The following SESN3 variants were observed in gnomAD, a reference collection of about 807,000 sequenced individuals.
SESN3 encodes the protein sestrin 3, also known as sestrin-3.
Under a neutral mutation model 55.3 loss-of-function variants are expected in SESN3, and 21 were observed. The observed-to-expected ratio is 0.38, with a 90% CI of 0.27 to 0.55. The LOEUF is 0.55. Ranked by LOEUF, SESN3 falls within the 20% of genes least tolerant of loss-of-function variation. The pLI, the probability that SESN3 is intolerant of heterozygous loss-of-function variation, is 0.76. For missense variants in SESN3, 408 were observed against 604.3 expected (o/e 0.68, Z 3.41); for synonymous variants, 181 against 203.1 (o/e 0.89, Z 0.93).
At chr11:95,218,364 C>T (rs1318797565) in intron 1 of SESN3, among the ~76,000 whole-genome samples, 8 of 152,206 alleles carry the variant, frequency 5.3e-5, no homozygotes, top group Non-Finnish European at 1.2e-4. Context: ...CATCACGCTA[C>T]GTAGGTAAAA....
chr11:95,215,013 T>C (rs964232986), intron 1 of SESN3, among the ~76,000 whole-genome samples: 1 of 152,186 alleles, frequency 6.6e-6, no homozygotes. Context: ...ATCTGCATTT[T>C]GTAAAATAGG....
At chr11:95,193,721 A>G (rs1860309432) in intron 1 of SESN3, among the ~76,000 whole-genome samples, 199 bp from the exon 2 acceptor site, 1 of 152,140 alleles carries the variant, frequency 6.6e-6, no homozygotes, top group Non-Finnish European at 1.5e-5. Flanking sequence ...AACACCTACC[A>G]TAGTGCTAAG....
chr11:95,230,607 C>A lies in SESN3; in HGVS notation c.78+176G>T. 2 of 553,644 alleles carry A rather than the reference C, an allele frequency of 3.6e-6. No individual in the cohort carries two copies. The highest frequency in any genetic ancestry group is 3.2e-6 in the Non-Finnish European group (1 of 317,424). 34.3% of individuals were successfully genotyped at this position (553,644 alleles called of 1,614,324 possible). Reference sequence around the variant, plus strand: ...GTCTGTCCCGGCGGAAATAAAAAGCCGCAGTAGTCCAAACCCTCCTGCCCT... The same window carrying A: ...GTCTGTCCCGGCGGAAATAAAAAGCAGCAGTAGTCCAAACCCTCCTGCCCT... On this transcript the variant is annotated intron_variant, in intron 1 of 9. Transcript: ENST00000536441. This position sits in a 1 kb window ranked among gnomAD's most constrained non-coding sequence, Gnocchi z 4.6.
In SESN3 at chr11:95,172,472, T is replaced by C. The variant is rs1859869296; in HGVS notation, c.*783A>G. ...GGTGACTGAGGATTACTGTCAGTGA[T>C]AGGATTGTGTTATAATTCCACTTAT... On this transcript the variant is annotated 3_prime_UTR_variant, in exon 10 of 10. Coordinates refer to ENST00000536441, the MANE Select transcript of SESN3 (RefSeq NM_144665.4). The C allele has an allele frequency of 6.6e-6, 1 of 152,182 alleles. No homozygotes were observed. The highest frequency in any genetic ancestry group is 2.1e-4 in the South Asian group (1 of 4,830). The allele number at this position is 152,182 out of a possible 1,614,324, so 9.4% of individuals were successfully genotyped here.
Position 95,217,212 on chromosome 11 carries a change from T to TA in SESN3, c.78+13570dup, listed in dbSNP as rs1288063426. On this transcript the variant is annotated intron_variant, in intron 1 of 9. Coordinates refer to ENST00000536441, the MANE Select transcript of SESN3 (RefSeq NM_144665.4). ...TTTAGACTAGTGATACTTCACAAGA[T>TA]AAAAGACAGATAAGAAAGGTCACCC... Among the ~76,000 whole-genome samples the TA allele has an allele frequency of 2.0e-5, 3 of 152,160 alleles. No individual in the cohort carries two copies. In the East Asian group the frequency reaches 5.8e-4, roughly 29 times the overall value.
rs1861039234 is a variant in SESN3, at chr11:95,230,655, T to C, written c.78+128A>G. 1.5e-6 allele frequency: 1 copy of C among 649,880 alleles called. No homozygotes were observed. The highest frequency in any genetic ancestry group is 2.6e-6 in the Non-Finnish European group (1 of 384,130). The allele number at this position is 649,880 out of a possible 1,614,324, so 40.3% of individuals were successfully genotyped here. On this transcript the variant is annotated intron_variant, in intron 1 of 9. Transcript: ENST00000536441. The surrounding 1 kb of genome is among the most constrained non-coding windows in gnomAD (Gnocchi z 4.6). The stretch of plus-strand genomic sequence containing the variant: ...CCTCAACCCACGCCCCCTTTCTCAG[T>C]CCCTGCGGAGGGACGGTGCCCGGGG...
intron 1 of SESN3, among the ~76,000 whole-genome samples, chr11:95,214,442 T>C (rs1014167086): frequency 3.9e-5 from 6 of 152,200 alleles, no homozygotes; most frequent in Non-Finnish European, 8.8e-5. Flanking sequence ...TGAAACAATC[T>C]TTGCTTTTCA....
intron 1 of SESN3, among the ~76,000 whole-genome samples, chr11:95,215,807 A>C (rs541599882): frequency 1.3e-5 from 2 of 152,320 alleles, no homozygotes; most frequent in South Asian, 4.1e-4. Flanking sequence ...TCTTCATTTT[A>C]GAAATCCTTG....
intron 1 of SESN3, among the ~76,000 whole-genome samples, chr11:95,203,144 C>T (rs768869633): frequency 1.3e-5 from 2 of 151,998 alleles, no homozygotes; most frequent in Non-Finnish European, 2.9e-5. Flanking sequence ...ACCAGCTTGA[C>T]TATAGTATTA....
At chr11:95,182,996 C>T (rs1232234254) in intron 6 of SESN3, among the ~76,000 whole-genome samples, 4 of 152,148 alleles carry the variant, frequency 2.6e-5, no homozygotes, top group Non-Finnish European at 4.4e-5. Context: ...CTTCTGCCTA[C>T]ACCCTTTGCC....
chr11:95,215,092 T>C (rs1279533312), intron 1 of SESN3, among the ~76,000 whole-genome samples: 1 of 152,138 alleles, frequency 6.6e-6, no homozygotes, highest in Admixed American at 6.5e-5. Flanking sequence ...TAATGCATGT[T>C]GAAACTGAAG....
intron 9 of SESN3, among the ~76,000 whole-genome samples, chr11:95,175,207 T>C (rs1360010359): frequency 6.6e-6 from 1 of 152,008 alleles, no homozygotes; most frequent in Admixed American, 6.5e-5. Flanking sequence ...CTACTAAAAA[T>C]ACAAAAATTA....
chr11:95,184,388 C>A (rs751426704), intron 6 of SESN3, 32 bp downstream of exon 6: 2 of 1,606,250 alleles, frequency 1.2e-6, no homozygotes, highest in African/African-American at 1.3e-5. Flanking sequence ...GTTCTAAGAA[C>A]AACTAAAAGG....
At chr11:95,208,150 G>T (rs545744922) in intron 1 of SESN3, among the ~76,000 whole-genome samples, 1 of 151,522 alleles carries the variant, frequency 6.6e-6, no homozygotes, top group Admixed American at 6.6e-5. Flanking sequence ...TAAATGGTGA[G>T]AGTAGTCTTT....
In SESN3 at chr11:95,172,291, G is replaced by A. The variant is rs1259918778; in HGVS notation, c.*964C>T. On this transcript the variant is annotated 3_prime_UTR_variant, in exon 10 of 10. Transcript: ENST00000536441. ...TTCTAAAAGCCTAACAGGAAAAATAGGCATATTAACCTTCCTTTGCTTAAC... is the reference window on the plus strand; with the variant it reads ...TTCTAAAAGCCTAACAGGAAAAATAAGCATATTAACCTTCCTTTGCTTAAC... 6.6e-6 allele frequency: 1 copy of A among 152,052 alleles called. No homozygotes were observed. Among genetic ancestry groups the A allele is most frequent in the Non-Finnish European group, 1.5e-5 (1 of 67,986 alleles). 9.4% of individuals were successfully genotyped at this position (152,052 alleles called of 1,614,324 possible). A position where few individuals can be genotyped will look rare whatever the true frequency, so the allele number is the denominator to read the frequency against.
intron 1 of SESN3, among the ~76,000 whole-genome samples, chr11:95,223,771 G>A (rs866486313): frequency 4.6e-5 from 7 of 152,054 alleles, no homozygotes; most frequent in Non-Finnish European, 2.9e-5. Flanking sequence ...TCAGTAGTTC[G>A]TAAATGTCTT....
chr11:95,197,775 C>T (rs573803174), intron 1 of SESN3, among the ~76,000 whole-genome samples: 3 of 152,020 alleles, frequency 2.0e-5, no homozygotes, highest in South Asian at 2.1e-4. Context: ...GTAGGGAAGA[C>T]GATGGAGCAG....
At chr11:95,222,038 A>G (rs566703111) in intron 1 of SESN3, among the ~76,000 whole-genome samples, 6 of 152,338 alleles carry the variant, frequency 3.9e-5, no homozygotes, top group African/African-American at 1.4e-4. Flanking sequence ...CCAGAATTCT[A>G]GAGTCAAAAC....
chr11:95,196,602 C>T (rs571409272), intron 1 of SESN3, among the ~76,000 whole-genome samples: 5 of 152,228 alleles, frequency 3.3e-5, no homozygotes, highest in South Asian at 2.1e-4. Context: ...TCTAGACCTA[C>T]GTTCCCCAAC....
Sources: gnomAD v4.1 joint callset for allele counts (sites outside exome capture counted in the v4.1 genomes callset) on GRCh38, gnomAD v4.1.1 for gene constraint, Gnocchi (gnomAD v3.1) non-coding constraint, MANE v1.5 for transcripts, NCBI Gene and HGNC (gene_info 2026-07-23, HGNC 2026-07-21) for gene names.